TRPS1: variants seen among roughly 807,000 people sequenced by gnomAD.
TRPS1 encodes transcriptional repressor GATA binding 1.
TRPS1 carries 6 observed loss-of-function variants against 101.2 expected under a neutral mutation model. The ratio of observed to expected loss-of-function variants is 0.06; its 90% confidence interval spans 0.03 to 0.12. The LOEUF (loss-of-function observed/expected upper bound fraction) is 0.12, where lower values mean the gene tolerates loss of function less well. Among genes scored for constraint, TRPS1 ranks in the 10% least tolerant of loss-of-function variants. The pLI is 1.00. For missense variants in TRPS1, 1,363 were observed against 1,567.0 expected (o/e 0.87, Z 2.20); for synonymous variants, 578 against 589.8 (o/e 0.98, Z 0.29).
chr8:115,546,637 A>C (rs1257887961), intron 5 of TRPS1, among the ~76,000 whole-genome samples: 2 of 151,720 alleles, frequency 1.3e-5, no homozygotes, highest in East Asian at 3.9e-4. Flanking sequence ...TTAGTGTTTA[A>C]CTAATGTAAC....
intron 5 of TRPS1, among the ~76,000 whole-genome samples, chr8:115,516,558 A>G (rs1563568075): frequency 6.6e-6 from 1 of 151,686 alleles, no homozygotes; most frequent in South Asian, 2.1e-4. Context: ...GAACTCTATC[A>G]TAATAAAAAC....
At chr8:115,545,007 C>T (rs1313736694) in intron 5 of TRPS1, among the ~76,000 whole-genome samples, 4 of 152,114 alleles carry the variant, frequency 2.6e-5, no homozygotes, top group Admixed American at 6.5e-5. Flanking sequence ...ACTGGTCCTT[C>T]GAGTAAGTCA....
chr8:115,659,996 T>C (rs932004287), intron 1 of TRPS1, among the ~76,000 whole-genome samples: 21 of 152,016 alleles, frequency 1.4e-4, no homozygotes, highest in Admixed American at 1.3e-4. Context: ...ATGTACGCAC[T>C]TATTTAATAT....
intron 5 of TRPS1, among the ~76,000 whole-genome samples, chr8:115,519,304 A>G (rs562832174): frequency 6.6e-6 from 1 of 151,888 alleles, no homozygotes; most frequent in South Asian, 2.1e-4. Flanking sequence ...ATATTATCAG[A>G]AAGGATTTAC....
intron 2 of TRPS1, among the ~76,000 whole-genome samples, chr8:115,623,316 G>A (rs1477295305): frequency 1.3e-5 from 2 of 151,948 alleles, no homozygotes; most frequent in South Asian, 2.1e-4. Context: ...TTAAAAAAAT[G>A]TGCTTAATTT....
chr8:115,666,917 A>G (rs1811935308), intron 1 of TRPS1, among the ~76,000 whole-genome samples: 1 of 150,660 alleles, frequency 6.6e-6, no homozygotes, highest in Non-Finnish European at 1.5e-5. Flanking sequence ...TGAATCTACA[A>G]AAGTTCAATG....
intron 1 of TRPS1, among the ~76,000 whole-genome samples, chr8:115,629,419 A>T (rs568828726): frequency 7.2e-5 from 11 of 151,854 alleles, no homozygotes; most frequent in Non-Finnish European, 1.2e-4. Flanking sequence ...ATCTACATAC[A>T]ATAAAATCCC....
At chr8:115,455,934 G>A (rs1381659399) in intron 5 of TRPS1, among the ~76,000 whole-genome samples, 1 of 151,424 alleles carries the variant, frequency 6.6e-6, no homozygotes, top group East Asian at 1.9e-4. Context: ...ACAGGCGCCC[G>A]CCACTATGCC....
chr8:115,468,658 A>C (rs1179142671), intron 5 of TRPS1, among the ~76,000 whole-genome samples: 2 of 152,226 alleles, frequency 1.3e-5, no homozygotes, highest in Admixed American at 1.3e-4. Context: ...AAACCTGAAG[A>C]GTAGAACAGA....
chr8:115,505,080 A>T (rs1053678914), intron 5 of TRPS1, among the ~76,000 whole-genome samples: 4 of 152,106 alleles, frequency 2.6e-5, no homozygotes, highest in Admixed American at 2.6e-4. Context: ...TAAATAAAAG[A>T]CAGCCCTTTC....
intron 5 of TRPS1, among the ~76,000 whole-genome samples, chr8:115,466,557 A>G (rs544577947): frequency 6.6e-6 from 1 of 152,116 alleles, no homozygotes; most frequent in Non-Finnish European, 1.5e-5. Flanking sequence ...GCTTATGTCG[A>G]AGGAAACTTC....
At position 115,664,372 on chromosome 8, in the gene TRPS1, A is replaced by C. The variant is rs559384605; in HGVS notation, c.-122+4173T>G. On this transcript the variant is annotated intron_variant, in intron 1 of 6. Transcript: ENST00000395715. Reference sequence around the variant, plus strand: ...AAATGTCTACTTGGCAAAGGCTAGAAGACCATCTTTATGCTATATCTAAGG... The same window carrying C: ...AAATGTCTACTTGGCAAAGGCTAGACGACCATCTTTATGCTATATCTAAGG... Among the ~76,000 whole-genome samples, 23 of 152,272 alleles carry C rather than the reference A, an allele frequency of 1.5e-4. No homozygotes were observed. In the East Asian group the frequency reaches 4.4e-3, roughly 29 times the overall value.
At chr8:115,578,447 C>T (rs1817370147) in intron 5 of TRPS1, among the ~76,000 whole-genome samples, 1 of 151,968 alleles carries the variant, frequency 6.6e-6, no homozygotes, top group Non-Finnish European at 1.5e-5. Context: ...ATAATATGTA[C>T]AAGGAAGTCC....
At chr8:115,661,139 C>T (rs997388750) in intron 1 of TRPS1, among the ~76,000 whole-genome samples, 4 of 152,016 alleles carry the variant, frequency 2.6e-5, no homozygotes, top group African/African-American at 4.8e-5. Flanking sequence ...TCTTACAATA[C>T]ACTGAAAGGT....
At chr8:115,507,183 T>C (rs1022032240) in intron 5 of TRPS1, among the ~76,000 whole-genome samples, 1 of 152,100 alleles carries the variant, frequency 6.6e-6, no homozygotes, top group Non-Finnish European at 1.5e-5. Flanking sequence ...AGAATTCATG[T>C]CTTCCTGTGT....
chr8:115,414,670 G>A lies in TRPS1; in HGVS notation c.3238C>T (p.Pro1080Ser). The A allele has an allele frequency of 6.2e-7, 1 of 1,613,988 alleles. No homozygotes were observed. The highest frequency in any genetic ancestry group is 8.5e-7 in the Non-Finnish European group (1 of 1,179,936). The change falls in exon 7 of 7, where the codon CCT becomes TCT. Residue 1080 changes from proline to serine, a missense_variant. By Grantham distance (74) the Pro-to-Ser change is moderately conservative. This residue lies in a region of TRPS1 where 307 missense variants were observed against 392.4 expected (regional missense o/e 0.78). Coordinates refer to ENST00000395715, the MANE Select transcript of TRPS1 (RefSeq NM_014112.5). The surrounding 1 kb of genome is among the most constrained non-coding windows in gnomAD (Gnocchi z 4.8). ...EGKGSSERGS[P>S]IEKYMRPAKH... Reference sequence around the variant, plus strand: ...GCAGGTCTCATGTACTTTTCTATAGGACTGCCTCTCTCAGAACTTCCTTTC... The same window carrying A: ...GCAGGTCTCATGTACTTTTCTATAGAACTGCCTCTCTCAGAACTTCCTTTC...
intron 5 of TRPS1, among the ~76,000 whole-genome samples, chr8:115,533,448 T>TGTTTTTG (rs199572316): frequency 7.7e-6 from 1 of 130,058 alleles, no homozygotes; most frequent in African/African-American, 3.2e-5. Flanking sequence ...TTTTTTTTTT[T>TGTTTTTG]TTTTTTTTTT....
intron 5 of TRPS1, among the ~76,000 whole-genome samples, chr8:115,533,217 A>T (rs2130272588): frequency 6.6e-6 from 1 of 152,250 alleles, no homozygotes. Context: ...CTGTGAGGTT[A>T]TCCGCTAGGT....
At chr8:115,651,377 A>T (rs754046908) in intron 1 of TRPS1, among the ~76,000 whole-genome samples, 2 of 152,212 alleles carry the variant, frequency 1.3e-5, no homozygotes, top group South Asian at 2.1e-4. Flanking sequence ...ATATTAGGGC[A>T]AACATCAAGA....
Sources: gnomAD v4.1 joint callset for allele counts (sites outside exome capture counted in the v4.1 genomes callset) on GRCh38, gnomAD v4.1.1 for gene constraint, gnomAD v4.1.1 regional missense constraint, Gnocchi (gnomAD v3.1) non-coding constraint, MANE v1.5 for transcripts, NCBI Gene and HGNC (gene_info 2026-07-23, HGNC 2026-07-21) for gene names.